The following TBC1D5 variants were observed in gnomAD, a reference collection of about 807,000 sequenced individuals.
The protein encoded by TBC1D5 is TBC1 domain family member 5.
Under a neutral mutation model 100.3 loss-of-function variants are expected in TBC1D5, and 75 were observed. The observed-to-expected ratio is 0.75, with a 90% CI of 0.62 to 0.91. The LOEUF is 0.91. TBC1D5 is among the 40% of genes least tolerant of loss of function. The pLI is 0.00. For missense variants in TBC1D5, 910 were observed against 942.4 expected (o/e 0.97, Z 0.45); for synonymous variants, 323 against 325.6 (o/e 0.99, Z 0.09).
chr3:17,224,315 C>T (rs1176443252), intron 17 of TBC1D5, among the ~76,000 whole-genome samples: 1 of 152,156 alleles, frequency 6.6e-6, no homozygotes, highest in African/African-American at 2.4e-5. Context: ...ATTATAAACA[C>T]CAATGCTGAT....
At chr3:17,663,995 A>G (rs973613466) in intron 1 of TBC1D5, among the ~76,000 whole-genome samples, 1 of 152,204 alleles carries the variant, frequency 6.6e-6, no homozygotes, top group African/African-American at 2.4e-5. Context: ...ACAACAACCC[A>G]ACATCTTTCG....
At chr3:17,275,558 C>T (rs1363499120) in intron 15 of TBC1D5, among the ~76,000 whole-genome samples, 1 of 152,146 alleles carries the variant, frequency 6.6e-6, no homozygotes. Flanking sequence ...AACCAACCAA[C>T]CAACCAACCC....
chr3:17,162,609 A>C (rs73819651), intron 21 of TBC1D5, among the ~76,000 whole-genome samples: 14,670 of 152,276 alleles, frequency 0.096, 785 homozygotes, highest in African/African-American at 0.14. Context: ...CTATTAACAC[A>C]TTAACTCCTA....
At chr3:17,233,070 C>G (rs1054145791) in intron 17 of TBC1D5, among the ~76,000 whole-genome samples, 25 of 152,176 alleles carry the variant, frequency 1.6e-4, no homozygotes, top group African/African-American at 5.5e-4. Flanking sequence ...TAGATGATCA[C>G]TTTTTGTATT....
intron 1 of TBC1D5, among the ~76,000 whole-genome samples, chr3:17,699,399 G>A (rs1189135050): frequency 1.0e-5 from 1 of 98,602 alleles, no homozygotes; most frequent in Non-Finnish European, 2.1e-5. Flanking sequence ...GTTGTGGGGT[G>A]GGGGGAGGGG....
At chr3:17,450,581 G>A (rs2149706176) in intron 3 of TBC1D5, among the ~76,000 whole-genome samples, 1 of 152,232 alleles carries the variant, frequency 6.6e-6, no homozygotes, top group Non-Finnish European at 1.5e-5. Flanking sequence ...AGAACTTCGT[G>A]AAGCATACAC....
At chr3:17,315,257 T>C (rs2084545503) in intron 13 of TBC1D5, among the ~76,000 whole-genome samples, 1 of 152,266 alleles carries the variant, frequency 6.6e-6, no homozygotes, top group African/African-American at 2.4e-5. Flanking sequence ...CTTAGAATTC[T>C]ATCTGTATTA....
At chr3:17,490,322 A>C (rs995906167) in intron 3 of TBC1D5, among the ~76,000 whole-genome samples, 2 of 152,146 alleles carry the variant, frequency 1.3e-5, no homozygotes, top group African/African-American at 2.4e-5. Context: ...TCTGCTGTGC[A>C]GAAGCTCTTT....
intron 2 of TBC1D5, among the ~76,000 whole-genome samples, chr3:17,570,209 AGT>A (rs1434260442): frequency 4.6e-5 from 7 of 152,170 alleles, no homozygotes; most frequent in African/African-American, 1.7e-4. Context: ...TTTTAAAAAT[AGT>A]AAGCAAGAAC....
chr3:17,642,022 T>C (rs2064558615), intron 1 of TBC1D5, among the ~76,000 whole-genome samples: 1 of 152,184 alleles, frequency 6.6e-6, no homozygotes, highest in Non-Finnish European at 1.5e-5. Context: ...CTATTAATTA[T>C]TGAGTAAGAC....
chr3:17,535,561 T>A (rs1340802450), intron 2 of TBC1D5, among the ~76,000 whole-genome samples: 1 of 152,154 alleles, frequency 6.6e-6, no homozygotes, highest in Non-Finnish European at 1.5e-5. Flanking sequence ...GAGGTTTCTA[T>A]CTTGGCCTAT....
exon 22 of TBC1D5, chr3:17,158,680 G>GT (rs1399084426): frequency 6.6e-6 from 1 of 152,242 alleles, no homozygotes; most frequent in Non-Finnish European, 1.5e-5. Context: ...AGGGCTGGGA[G>GT]TTTTCAGTGA....
intron 3 of TBC1D5, among the ~76,000 whole-genome samples, chr3:17,502,120 C>G (rs1353582414): frequency 6.7e-6 from 1 of 149,654 alleles, no homozygotes; most frequent in Non-Finnish European, 1.5e-5. Context: ...TGCCTCTCCT[C>G]TATACTTCCA....
intron 1 of TBC1D5, among the ~76,000 whole-genome samples, chr3:17,643,689 T>A (rs2064750114): frequency 6.6e-6 from 1 of 152,130 alleles, no homozygotes; most frequent in Admixed American, 6.6e-5. Flanking sequence ...GTATTTCATA[T>A]TCAGTCATAA....
intron 1 of TBC1D5, among the ~76,000 whole-genome samples, chr3:17,684,707 C>A (rs1446898383): frequency 1.3e-5 from 2 of 151,908 alleles, no homozygotes; most frequent in Non-Finnish European, 2.9e-5. Flanking sequence ...AGCTCTTTGT[C>A]CATTTTCATT....
At chr3:17,163,170 C>T (rs1412980120) in intron 21 of TBC1D5, among the ~76,000 whole-genome samples, 1 of 152,068 alleles carries the variant, frequency 6.6e-6, no homozygotes, top group Non-Finnish European at 1.5e-5. Context: ...GCATGCTTCC[C>T]CCAATTCCCA....
At position 17,450,203 on chromosome 3, in the gene TBC1D5, C is replaced by T. The variant is rs530385185; in HGVS notation, c.98-21684G>A. ...ATAACATCAACATCAACAAAAAGGA[C>T]ACCCACGCAAAAACCCCATCCAAAA... is the stretch of plus-strand genomic sequence containing the variant. On this transcript the variant is annotated intron_variant, in intron 3 of 21. Transcript: ENST00000253692. Among the ~76,000 whole-genome samples the T allele has an allele frequency of 2.6e-5, 4 of 152,254 alleles. No individual in the cohort carries two copies. In the East Asian group the frequency reaches 7.7e-4, roughly 29 times the overall value.
At chr3:17,341,662 A>G (rs1219249365) in intron 13 of TBC1D5, among the ~76,000 whole-genome samples, 1 of 152,198 alleles carries the variant, frequency 6.6e-6, no homozygotes, top group Non-Finnish European at 1.5e-5. Flanking sequence ...ATTACCTTCT[A>G]ATAAATGACA....
intron 4 of TBC1D5, among the ~76,000 whole-genome samples, chr3:17,420,547 A>C (rs1049269196): frequency 2.6e-5 from 4 of 152,208 alleles, no homozygotes; most frequent in African/African-American, 9.6e-5. Context: ...TTTTTTTAAA[A>C]AAATTAACTA....
Sources: allele counts gnomAD v4.1 joint callset (sites outside exome capture counted in the v4.1 genomes callset), GRCh38; gene constraint gnomAD v4.1.1; transcripts MANE v1.5; gene names NCBI Gene and HGNC (gene_info 2026-07-23, HGNC 2026-07-21).